Variants in ADAMTS12 observed in about 807,000 individuals in gnomAD.
ADAMTS12 encodes ADAM metallopeptidase with thrombospondin type 1 motif 12.
ADAMTS12 carries 118 observed loss-of-function variants against 167.8 expected under a neutral mutation model. That is an observed-to-expected ratio of 0.70 (90% confidence interval 0.61 to 0.82). The LOEUF is 0.82. Ranked by LOEUF, ADAMTS12 falls within the 40% of genes least tolerant of loss-of-function variation. ADAMTS12 has a pLI of 0.00. For synonymous variants in ADAMTS12, 704 were observed against 716.9 expected, an observed-to-expected ratio of 0.98 and a Z score of 0.29; for missense variants, 1,916 against 1,998.8, an observed-to-expected ratio of 0.96 and a Z score of 0.79.
intron 3 of ADAMTS12, among the ~76,000 whole-genome samples, chr5:33,719,822 T>C (rs1057505004): frequency 2.0e-5 from 3 of 152,230 alleles, no homozygotes; most frequent in Admixed American, 2.0e-4. Flanking sequence ...ATGGATGCTG[T>C]ATACTTTTTA....
intron 10 of ADAMTS12, 136 bp downstream of exon 10, chr5:33,643,242 C>G: frequency 1.2e-6 from 1 of 803,928 alleles, no homozygotes; most frequent in Non-Finnish European, 2.0e-6. Context: ...GTGATCTCCT[C>G]TGGCTGGTCT....
chr5:33,608,370 T>G (rs1025556102), intron 16 of ADAMTS12, among the ~76,000 whole-genome samples: 1 of 152,224 alleles, frequency 6.6e-6, no homozygotes, highest in Non-Finnish European at 1.5e-5. Context: ...AATAGAATTC[T>G]GTGCTTTAAA....
intron 20 of ADAMTS12, among the ~76,000 whole-genome samples, chr5:33,559,824 G>A (rs1253107995): frequency 6.6e-6 from 1 of 152,088 alleles, no homozygotes; most frequent in Non-Finnish European, 1.5e-5. Context: ...AGGTTGCAGT[G>A]GGCCAACATC....
At chr5:33,705,300 TGTGC>T (rs752645306) in intron 3 of ADAMTS12, among the ~76,000 whole-genome samples, 41 of 149,116 alleles carry the variant, frequency 2.7e-4, no homozygotes, top group Non-Finnish European at 5.1e-4. Context: ...TGTGTGTGTG[TGTGC>T]GTGTATACAT....
chr5:33,669,115 ATTAG>A lies in ADAMTS12; in HGVS notation c.916-7079_916-7076del, dbSNP rs201279121. ...CAATGGTCTGAAAGTAATCAATACA[ATTAG>A]TTAGTGGACATAAACTTTCGAACAA... is the stretch of plus-strand genomic sequence containing the variant. On this transcript the variant is annotated intron_variant, in intron 5 of 23. Coordinates refer to ENST00000504830, the MANE Select transcript of ADAMTS12 (RefSeq NM_030955.4). Among the ~76,000 whole-genome samples, 958 of 152,332 alleles carry A rather than the reference ATTAG, an allele frequency of 6.3e-3. 7 individuals carry two copies. Among genetic ancestry groups the A allele is most frequent in the African/African-American group, 0.022 (923 of 41,580 alleles).
In ADAMTS12 at chr5:33,553,452, A is replaced by C. The variant is rs572225782; in HGVS notation, c.4126-4069T>G. On this transcript the variant is annotated intron_variant, in intron 20 of 23. Coordinates refer to ENST00000504830, the MANE Select transcript of ADAMTS12 (RefSeq NM_030955.4). ...TGGCACTATTCACAATAGCAAAGAC[A>C]TGGAATCAACCTAAATGCCCATCAA... Among the ~76,000 whole-genome samples the C allele has an allele frequency of 5.4e-3, 825 of 152,364 alleles. 4 individuals carry two copies. The highest frequency in any genetic ancestry group is 7.2e-3 in the Non-Finnish European group (493 of 68,036).
chr5:33,527,215 C>T lies in ADAMTS12; in HGVS notation c.4758G>A (p.Arg1586=), dbSNP rs150281372. The T allele has an allele frequency of 1.7e-4, 278 of 1,614,122 alleles. 1 individual carries two copies. The African/African-American group carries it at 3.4e-3, about 20-fold the overall frequency. The change falls in exon 24 of 24, where the codon CGG becomes CGA. Residue 1586 remains arginine (R), a synonymous_variant. Coordinates refer to ENST00000504830, the MANE Select transcript of ADAMTS12 (RefSeq NM_030955.4). ...AGAGTTCTTTTGACTTTTGGAGCAA[C>T]CGTTGCCTTCTTTGCCTTTGGGTGT... is the stretch of plus-strand genomic sequence containing the variant. The part of the protein sequence containing the change: ...ITHTQRQRRQ[R]LLQKSKEL
At chr5:33,839,065 C>CTAA (rs1748640969) in intron 2 of ADAMTS12, among the ~76,000 whole-genome samples, 1 of 152,174 alleles carries the variant, frequency 6.6e-6, no homozygotes, top group African/African-American at 2.4e-5. Flanking sequence ...GATCCTAAAA[C>CTAA]AGGTCTTTTC....
intron 20 of ADAMTS12, among the ~76,000 whole-genome samples, chr5:33,552,821 C>G (rs1745311303): frequency 6.6e-6 from 1 of 152,236 alleles, no homozygotes; most frequent in South Asian, 2.1e-4. Context: ...CACCTTTGTT[C>G]TTAAGCAATT....
At chr5:33,774,564 T>C (rs1356099150) in intron 2 of ADAMTS12, among the ~76,000 whole-genome samples, 2 of 152,314 alleles carry the variant, frequency 1.3e-5, no homozygotes, top group South Asian at 4.1e-4. Flanking sequence ...CTTATTCCAA[T>C]TACCCTTGAC....
chr5:33,647,072 G>C (rs1267749059), intron 9 of ADAMTS12, among the ~76,000 whole-genome samples: 1 of 151,658 alleles, frequency 6.6e-6, no homozygotes, highest in Non-Finnish European at 1.5e-5. Flanking sequence ...AAAATATGAA[G>C]GAGAGGTTTC....
intron 16 of ADAMTS12, among the ~76,000 whole-genome samples, chr5:33,607,639 T>C (rs1738514054): frequency 6.6e-6 from 1 of 152,006 alleles, no homozygotes; most frequent in African/African-American, 2.4e-5. Flanking sequence ...TTCCTTTCCA[T>C]GAGCATGGAA....
At chr5:33,807,990 T>A (rs1295619749) in intron 2 of ADAMTS12, among the ~76,000 whole-genome samples, 3 of 152,118 alleles carry the variant, frequency 2.0e-5, no homozygotes, top group Non-Finnish European at 2.9e-5. Flanking sequence ...CATATTGGAA[T>A]GCGTGCAGGA....
At chr5:33,540,408 C>T (rs1744635731) in intron 22 of ADAMTS12, among the ~76,000 whole-genome samples, 1 of 152,268 alleles carries the variant, frequency 6.6e-6, no homozygotes, top group South Asian at 2.1e-4. Flanking sequence ...CAGCAGACAA[C>T]TTCTGCAGAC....
chr5:33,645,025 C>A (rs893090455), intron 9 of ADAMTS12, among the ~76,000 whole-genome samples: 2 of 152,036 alleles, frequency 1.3e-5, no homozygotes, highest in East Asian at 3.9e-4. Flanking sequence ...CCACCGTACC[C>A]GGCCTAGGGT....
intron 3 of ADAMTS12, among the ~76,000 whole-genome samples, chr5:33,696,174 C>A (rs541812211): frequency 6.6e-6 from 1 of 152,188 alleles, no homozygotes; most frequent in African/African-American, 2.4e-5. Flanking sequence ...GTAATCCCAG[C>A]ACTTTGGGAG....
At chr5:33,619,793 C>T (rs1052541944) in intron 14 of ADAMTS12, among the ~76,000 whole-genome samples, 4 of 152,144 alleles carry the variant, frequency 2.6e-5, no homozygotes, top group Admixed American at 2.6e-4. Flanking sequence ...CTCTTGGGTT[C>T]AAGCGATTCT....
chr5:33,865,160 C>CATA (rs974870808), intron 2 of ADAMTS12, among the ~76,000 whole-genome samples: 5 of 151,612 alleles, frequency 3.3e-5, no homozygotes, highest in South Asian at 2.1e-4. Context: ...CAGGAAAGGA[C>CATA]ATAATAATAA....
rs868552488 is a variant in ADAMTS12, at chr5:33,751,224, A to G, written c.634+180T>C. ...ACAAGTGAAAGGGTTTATACAAGCAAAAAGAATGTACACTTTCTGGCAAGA... is the reference window on the plus strand; with the variant it reads ...ACAAGTGAAAGGGTTTATACAAGCAGAAAGAATGTACACTTTCTGGCAAGA... On this transcript the variant is annotated intron_variant, in intron 3 of 23. Transcript: ENST00000504830. 1.6e-5 allele frequency: 12 copies of G among 767,558 alleles called. No individual in the cohort carries two copies. In the Middle Eastern group the frequency reaches 3.1e-3, roughly 198 times the overall value. 47.5% of individuals were successfully genotyped at this position (767,558 alleles called of 1,614,324 possible).
Sources: allele counts gnomAD v4.1 joint callset (sites outside exome capture counted in the v4.1 genomes callset), GRCh38; gene constraint gnomAD v4.1.1; transcripts MANE v1.5; gene names NCBI Gene and HGNC (gene_info 2026-07-23, HGNC 2026-07-21).